The following CRTAC1 variants were observed in gnomAD, a reference collection of about 807,000 sequenced individuals.
The protein encoded by CRTAC1 is acidic secreted protein in cartilage.
In CRTAC1, 37 loss-of-function variants were observed where a neutral mutation model predicts 67.8. That is an observed-to-expected ratio of 0.55 (90% CI 0.42 to 0.72). The LOEUF (loss-of-function observed/expected upper bound fraction) is 0.72. CRTAC1 is among the 30% of genes least tolerant of loss of function. The probability of loss-of-function intolerance (pLI) is 0.00; values close to 1 mark genes in which losing one functional copy is unlikely to be tolerated. For missense variants in CRTAC1, 780 were observed against 931.6 expected, an observed-to-expected ratio of 0.84 and a Z score of 2.12; for synonymous variants, 348 against 371.0, an observed-to-expected ratio of 0.94 and a Z score of 0.71.
At position 98,011,137 on chromosome 10, in the gene CRTAC1, C is replaced by G; in HGVS notation, c.224+1G>C. ...TCACACTGAGGGTGGGAGGCACTTA[C>G]CCCGCCACGACGATCTCAAAGTCCC... On this transcript the variant is annotated splice_donor_variant, in intron 2 of 14. Transcript: ENST00000370597. LOFTEE classifies it high-confidence loss of function. 1 of 1,613,716 alleles carries G rather than the reference C, an allele frequency of 6.2e-7. No homozygotes were observed. The highest frequency in any genetic ancestry group is 8.5e-7 in the Non-Finnish European group (1 of 1,179,618).
chr10:97,969,620 G>A (rs1016960167), intron 2 of CRTAC1, among the ~76,000 whole-genome samples: 10 of 152,138 alleles, frequency 6.6e-5, no homozygotes, highest in Non-Finnish European at 1.3e-4. Flanking sequence ...CCTCAGATAG[G>A]AAGCTCTTAT....
chr10:97,872,144 C>T (rs2050100551), intron 14 of CRTAC1, among the ~76,000 whole-genome samples: 1 of 131,902 alleles, frequency 7.6e-6, no homozygotes. Flanking sequence ...ATCCTGAGTG[C>T]TTGTTTCAGG....
chr10:97,877,299 G>A (rs1208820495), intron 14 of CRTAC1, among the ~76,000 whole-genome samples: 1 of 152,224 alleles, frequency 6.6e-6, no homozygotes. Context: ...TCTGGCTGGA[G>A]GGAAGGCAGC....
chr10:97,881,761 C>T (rs2050217939), intron 13 of CRTAC1, among the ~76,000 whole-genome samples: 2 of 152,052 alleles, frequency 1.3e-5, no homozygotes. Flanking sequence ...CCACCCTTGG[C>T]ACCACTGCTC....
chr10:97,979,353 C>T (rs545598732), intron 2 of CRTAC1, among the ~76,000 whole-genome samples: 2 of 152,190 alleles, frequency 1.3e-5, no homozygotes, highest in African/African-American at 4.8e-5. Context: ...TTCCGATATA[C>T]CCCACCCGAA....
intron 3 of CRTAC1, among the ~76,000 whole-genome samples, chr10:97,924,026 C>T (rs867171784): frequency 2.6e-5 from 4 of 152,096 alleles, no homozygotes; most frequent in Non-Finnish European, 4.4e-5. Context: ...TGGTTTTCAC[C>T]TCTTTTGGAT....
chr10:97,983,557 A>G (rs2051932417), intron 2 of CRTAC1, among the ~76,000 whole-genome samples: 3 of 148,022 alleles, frequency 2.0e-5, no homozygotes, highest in African/African-American at 8.0e-5. Context: ...ATTTCAAGAC[A>G]CCAAGGGACA....
intron 5 of CRTAC1, among the ~76,000 whole-genome samples, chr10:97,909,703 A>G (rs59426793): frequency 0.029 from 4,446 of 152,302 alleles, 207 homozygotes; most frequent in African/African-American, 0.099. Flanking sequence ...ACTACTAGGT[A>G]TATATATCCA....
At chr10:97,880,121 G>T in intron 14 of CRTAC1, 128 bp downstream of exon 14, 1 of 1,129,544 alleles carries the variant, frequency 8.9e-7, no homozygotes, top group Non-Finnish European at 1.3e-6. Context: ...ACCCAATATG[G>T]GTCAAAGGAG....
At chr10:97,993,412 T>A (rs1842496783) in intron 2 of CRTAC1, among the ~76,000 whole-genome samples, 1 of 152,226 alleles carries the variant, frequency 6.6e-6, no homozygotes, top group African/African-American at 2.4e-5. Flanking sequence ...ATGGGTGTGC[T>A]GAACATGGAA....
intron 5 of CRTAC1, 90 bp from the exon 6 acceptor site, chr10:97,908,237 T>C (rs889386765): frequency 9.9e-6 from 14 of 1,408,430 alleles, no homozygotes; most frequent in Non-Finnish European, 1.4e-5. Context: ...TGAGGGGAAC[T>C]GCAGCAGAGG....
chr10:97,988,385 C>T (rs2052019421), intron 2 of CRTAC1, among the ~76,000 whole-genome samples: 1 of 152,150 alleles, frequency 6.6e-6, no homozygotes, highest in African/African-American at 2.4e-5. Flanking sequence ...ATGGGTAAGA[C>T]TCTGAACGAT....
rs1049028255 is a variant in CRTAC1, at chr10:97,998,258, C to T, written c.224+12880G>A. Among the ~76,000 whole-genome samples the T allele has an allele frequency of 2.6e-5, 4 of 152,274 alleles. No homozygotes were observed. In the South Asian group the frequency reaches 6.2e-4, roughly 24 times the overall value. ...AAAATGCTGGGATTACAGGCATGAG[C>T]CACTGTTCCTGGCCAAGGAAAGACT... is the stretch of plus-strand genomic sequence containing the variant. On this transcript the variant is annotated intron_variant, in intron 2 of 14. Coordinates refer to ENST00000370597, the MANE Select transcript of CRTAC1 (RefSeq NM_018058.7).
intron 3 of CRTAC1, among the ~76,000 whole-genome samples, chr10:97,928,996 C>T (rs573790711): frequency 6.6e-6 from 1 of 152,040 alleles, no homozygotes; most frequent in East Asian, 1.9e-4. Context: ...GAAAATGCAG[C>T]GAGTGGCCAC....
At chr10:97,999,066 C>T (rs1025737029) in intron 2 of CRTAC1, among the ~76,000 whole-genome samples, 8 of 152,372 alleles carry the variant, frequency 5.3e-5, no homozygotes, top group Non-Finnish European at 5.9e-5. Context: ...ACTGCCATCA[C>T]GCTGGCTGCA....
intron 2 of CRTAC1, among the ~76,000 whole-genome samples, chr10:97,949,973 C>CAA (rs937424285): frequency 2.6e-5 from 4 of 152,104 alleles, no homozygotes; most frequent in Non-Finnish European, 5.9e-5. Flanking sequence ...AATGGGAGCT[C>CAA]AAAAAATATT....
chr10:97,880,505 C>T (rs1346864403), intron 13 of CRTAC1, 113 bp from the exon 14 acceptor site: 1 of 1,313,932 alleles, frequency 7.6e-7, no homozygotes, highest in African/African-American at 1.5e-5. Flanking sequence ...CTCGCAGAGC[C>T]TCAGTTTCCC....
At chr10:98,015,931 G>A (rs1441700777) in intron 1 of CRTAC1, among the ~76,000 whole-genome samples, 1 of 152,334 alleles carries the variant, frequency 6.6e-6, no homozygotes, top group East Asian at 1.9e-4. Context: ...GAAGGCACGA[G>A]ATTGGTTTAA....
rs754527297 is a variant in CRTAC1 at position 97,884,235 on chromosome 10, C to A, written c.1603G>T (p.Asp535Tyr). 3 of 1,569,324 alleles carry A rather than the reference C, an allele frequency of 1.9e-6. No individual in the cohort carries two copies. The highest frequency in any genetic ancestry group is 2.6e-6 in the Non-Finnish European group (3 of 1,156,032). Reference sequence around the variant, plus strand: ...AGTGGGGCTGGGTCCTGAAGTGTGTCCTCATCCCGGGGGTAGAGGATCTCC... The same window carrying A: ...AGTGGGGCTGGGTCCTGAAGTGTGTACTCATCCCGGGGGTAGAGGATCTCC... ...VLEILYPRDEDTLQDPAPLEC... is the reference protein window; with the variant it reads ...VLEILYPRDEYTLQDPAPLEC... The change falls in exon 12 of 15, where the codon GAC (aspartate) becomes TAC (tyrosine). Residue 535 changes from aspartate to tyrosine, a missense_variant. Coordinates refer to ENST00000370597, the MANE Select transcript of CRTAC1 (RefSeq NM_018058.7).
Sources: allele counts gnomAD v4.1 joint callset (sites outside exome capture counted in the v4.1 genomes callset), GRCh38; gene constraint gnomAD v4.1.1; transcripts MANE v1.5; gene names NCBI Gene and HGNC (gene_info 2026-07-23, HGNC 2026-07-21).